Variants in TLL1 observed in about 807,000 individuals in gnomAD.
TLL1 encodes the protein tolloid-like protein 1.
A neutral mutation model predicts 128.2 loss-of-function variants in TLL1; 49 were observed. The observed-to-expected ratio is 0.38, with a 90% CI of 0.30 to 0.48. TLL1 has a LOEUF of 0.48. TLL1 is among the 20% of genes least tolerant of loss of function. The pLI, the probability that TLL1 is intolerant of heterozygous loss-of-function variation, is 0.96. For synonymous variants in TLL1, 454 were observed against 418.8 expected, an observed-to-expected ratio of 1.08 and a Z score of -1.03; for missense variants, 1,123 against 1,242.0, an observed-to-expected ratio of 0.90 and a Z score of 1.44.
intron 19 of TLL1, among the ~76,000 whole-genome samples, chr4:166,097,664 A>C (rs894288713): frequency 1.3e-5 from 2 of 152,276 alleles, no homozygotes; most frequent in South Asian, 2.1e-4. Context: ...AACAAACCAC[A>C]ATATGGGTAA....
At position 166,083,153 on chromosome 4, in the gene TLL1, A is replaced by G. The variant is rs1241747154; in HGVS notation, c.2442+5123A>G. On this transcript the variant is annotated intron_variant, in intron 18 of 20. Coordinates refer to ENST00000061240, the MANE Select transcript of TLL1 (RefSeq NM_012464.5). Reference sequence around the variant, plus strand: ...AGGCAAATAAAACACTTGGGTCCCTATGTATACAGTGGAACTTTCTTCACA... The same window carrying G: ...AGGCAAATAAAACACTTGGGTCCCTGTGTATACAGTGGAACTTTCTTCACA... Among the ~76,000 whole-genome samples, 2 of 133,136 alleles carry G rather than the reference A, an allele frequency of 1.5e-5. 1 individual carries two copies. The highest frequency in any genetic ancestry group is 3.5e-5 in the Non-Finnish European group (2 of 57,528). 87.3% of individuals were successfully genotyped at this position (133,136 alleles called of 152,430 possible).
intron 1 of TLL1, among the ~76,000 whole-genome samples, chr4:165,936,165 A>C (rs570990377): frequency 5.7e-4 from 86 of 149,964 alleles, no homozygotes; most frequent in African/African-American, 2.0e-3. Context: ...CACTATAATT[A>C]AAATAATTAG....
chr4:165,994,926 C>T, intron 4 of TLL1, 135 bp from the exon 5 acceptor site: 1 of 727,288 alleles, frequency 1.4e-6, no homozygotes, highest in Non-Finnish European at 2.4e-6. Flanking sequence ...TTTGTGGTGC[C>T]ATAAACTAGT....
chr4:166,025,552 T>C, intron 9 of TLL1, 121 bp downstream of exon 9: 1 of 782,220 alleles, frequency 1.3e-6, no homozygotes, highest in East Asian at 2.7e-5. Context: ...GACTAAAAAG[T>C]TCAGAAAATT....
intron 1 of TLL1, among the ~76,000 whole-genome samples, chr4:165,933,401 A>G (rs1391888212): frequency 3.3e-5 from 5 of 152,026 alleles, no homozygotes. Flanking sequence ...TTCACTATGG[A>G]AATCAGGGAT....
At chr4:165,923,446 T>TTTTTTTTTTTTTTTTTTA (rs1733133881) in intron 1 of TLL1, among the ~76,000 whole-genome samples, 1 of 136,084 alleles carries the variant, frequency 7.3e-6, no homozygotes, top group Non-Finnish European at 1.5e-5. Context: ...TTTTTTTTTT[T>TTTTTTTTTTTTTTTTTTA]GAGACAGAGT....
chr4:165,946,255 G>T (rs1198602000), intron 1 of TLL1, among the ~76,000 whole-genome samples: 1 of 152,096 alleles, frequency 6.6e-6, no homozygotes, highest in East Asian at 1.9e-4. Context: ...GATCAGCCTT[G>T]TAAGACTCTA....
At chr4:165,880,408 A>G (rs1435026906) in intron 1 of TLL1, among the ~76,000 whole-genome samples, 1 of 152,240 alleles carries the variant, frequency 6.6e-6, no homozygotes, top group African/African-American at 2.4e-5. Context: ...CTTGCCACTT[A>G]CATTTAGAGT....
intron 7 of TLL1, among the ~76,000 whole-genome samples, chr4:166,009,962 A>G (rs1039251704): frequency 1.3e-5 from 2 of 151,360 alleles, no homozygotes; most frequent in Non-Finnish European, 3.0e-5. Context: ...CTCTATACCT[A>G]TTAAACAACT....
chr4:165,974,809 C>T (rs1346511645), intron 1 of TLL1, among the ~76,000 whole-genome samples: 2 of 152,178 alleles, frequency 1.3e-5, no homozygotes, highest in African/African-American at 4.8e-5. Flanking sequence ...TCTCCATTGC[C>T]AAAATACCGT....
intron 1 of TLL1, among the ~76,000 whole-genome samples, chr4:165,935,334 T>G (rs1290718601): frequency 6.6e-6 from 1 of 152,176 alleles, no homozygotes; most frequent in Non-Finnish European, 1.5e-5. Flanking sequence ...GGAACACACT[T>G]GGGAAGTTAT....
At position 165,915,027 on chromosome 4, in the gene TLL1, C is replaced by G. The variant is rs1174236956; in HGVS notation, c.169+40954C>G. Among the ~76,000 whole-genome samples, 3 of 152,156 alleles carry G rather than the reference C, an allele frequency of 2.0e-5. 1 individual carries two copies. In the South Asian group the frequency reaches 6.2e-4, roughly 32 times the overall value. ...ACTCTTCCCACCAGAATTGTCTCCC[C>G]ACTCTACTAATTCTAATTTATTTGA... On this transcript the variant is annotated intron_variant, in intron 1 of 20. Transcript: ENST00000061240.
intron 1 of TLL1, among the ~76,000 whole-genome samples, chr4:165,907,763 G>A (rs1340072629): frequency 6.6e-6 from 1 of 152,182 alleles, no homozygotes; most frequent in African/African-American, 2.4e-5. Context: ...GGCCAGGCCA[G>A]TCTCGAACTC....
chr4:166,028,267 TC>T (rs1409468776), intron 9 of TLL1, among the ~76,000 whole-genome samples: 1 of 152,136 alleles, frequency 6.6e-6, no homozygotes, highest in Non-Finnish European at 1.5e-5. Flanking sequence ...TCTACTTTTT[TC>T]TATTGTTATT....
intron 1 of TLL1, among the ~76,000 whole-genome samples, chr4:165,962,926 G>C (rs55737064): frequency 1.3e-5 from 2 of 151,550 alleles, no homozygotes; most frequent in Admixed American, 6.6e-5. Context: ...ATGGTGGCAC[G>C]TGCCTGTAAT....
chr4:165,962,464 A>G (rs1186995803), intron 1 of TLL1, among the ~76,000 whole-genome samples: 2 of 152,072 alleles, frequency 1.3e-5, no homozygotes, highest in Admixed American at 1.3e-4. Flanking sequence ...ACCCTTACAC[A>G]CTGTTGGTGG....
At chr4:166,062,930 G>C (rs1401452819) in intron 15 of TLL1, among the ~76,000 whole-genome samples, 3 of 152,194 alleles carry the variant, frequency 2.0e-5, no homozygotes, top group Admixed American at 6.6e-5. Context: ...TAGCATGAAG[G>C]GCTGTTGCAT....
At chr4:166,039,489 G>T (rs3756018) in intron 10 of TLL1, 48 bp downstream of exon 10, 1 of 1,460,814 alleles carries the variant, frequency 6.8e-7, no homozygotes, top group Non-Finnish European at 9.6e-7. Context: ...ATTCTGTCCC[G>T]TCCAAAAAAA....
intron 5 of TLL1, among the ~76,000 whole-genome samples, chr4:166,003,124 T>A (rs897749822): frequency 1.3e-5 from 2 of 152,188 alleles, no homozygotes; most frequent in African/African-American, 4.8e-5. Context: ...TCTGATGTAT[T>A]TCCGAATGCT....
Sources: allele counts gnomAD v4.1 joint callset (sites outside exome capture counted in the v4.1 genomes callset), GRCh38; gene constraint gnomAD v4.1.1; transcripts MANE v1.5; gene names NCBI Gene and HGNC (gene_info 2026-07-23, HGNC 2026-07-21).